The following PTPRG variants were observed in gnomAD, a reference collection of about 807,000 sequenced individuals.
PTPRG encodes protein tyrosine phosphatase receptor type G.
Under a neutral mutation model 165.3 loss-of-function variants are expected in PTPRG, and 102 were observed. The ratio of observed to expected loss-of-function variants is 0.62; its 90% CI spans 0.53 to 0.73. The LOEUF (loss-of-function observed/expected upper bound fraction) is 0.73, where lower values mean the gene tolerates loss of function less well. Ranked by LOEUF, PTPRG falls within the 30% of genes least tolerant of loss-of-function variation. The pLI is 0.00. For synonymous variants in PTPRG, 675 were observed against 669.5 expected, an observed-to-expected ratio of 1.01 and a Z score of -0.13; for missense variants, 1,866 against 1,861.4, an observed-to-expected ratio of 1.00 and a Z score of -0.05.
Position 61,799,743 on chromosome 3 carries a change from C to A in PTPRG, c.190+50761C>A, listed in dbSNP as rs957271603. Among the ~76,000 whole-genome samples the A allele has an allele frequency of 2.0e-5, 3 of 152,230 alleles. No individual in the cohort carries two copies. In the East Asian group the frequency reaches 5.8e-4, roughly 29 times the overall value. On this transcript the variant is annotated intron_variant, in intron 2 of 29. Coordinates refer to ENST00000474889, the MANE Select transcript of PTPRG (RefSeq NM_002841.4). ...GTTAGATTTCTCCACTGTAAGTTTG[C>A]CCCCCACCATACTGTACTCCTTGTA... is the stretch of plus-strand genomic sequence containing the variant.
intron 4 of PTPRG, among the ~76,000 whole-genome samples, chr3:62,032,676 T>A (rs1699808876): frequency 2.0e-5 from 3 of 152,202 alleles, no homozygotes; most frequent in Admixed American, 6.5e-5. Context: ...GAAAGTTAAA[T>A]TTCACCTATA....
intron 2 of PTPRG, among the ~76,000 whole-genome samples, chr3:61,887,172 T>TATATA (rs1559670290): frequency 2.3e-4 from 24 of 105,080 alleles, no homozygotes; most frequent in Non-Finnish European, 4.2e-4. Context: ...ATATATATAT[T>TATATA]TTTAATGCCA....
intron 1 of PTPRG, among the ~76,000 whole-genome samples, chr3:61,693,728 G>A (rs533414594): frequency 6.6e-6 from 1 of 152,136 alleles, no homozygotes. Context: ...GCTTTAGGCC[G>A]GGTGCAGCGG....
intron 3 of PTPRG, among the ~76,000 whole-genome samples, chr3:61,998,679 C>T (rs2041098725): frequency 6.6e-6 from 1 of 152,218 alleles, no homozygotes; most frequent in African/African-American, 2.4e-5. Flanking sequence ...CGGCTATGGA[C>T]TGTTGGCCTC....
chr3:61,801,311 A>ATTT (rs745926597), intron 2 of PTPRG, among the ~76,000 whole-genome samples: 2 of 141,088 alleles, frequency 1.4e-5, no homozygotes, highest in Non-Finnish European at 1.6e-5. Context: ...TGTGTGTGTA[A>ATTT]TTTTTTTTTT....
intron 1 of PTPRG, among the ~76,000 whole-genome samples, chr3:61,619,545 C>T (rs921901533): frequency 9.9e-5 from 15 of 152,182 alleles, no homozygotes; most frequent in Non-Finnish European, 1.9e-4. Flanking sequence ...AAAATGTCAG[C>T]AATGCAGCCT....
Position 61,748,991 on chromosome 3 carries a change from A to G in PTPRG, c.190+9A>G, listed in dbSNP as rs1255277526. 3 of 1,607,592 alleles carry G rather than the reference A, an allele frequency of 1.9e-6. No homozygotes were observed. The highest frequency in any genetic ancestry group is 2.6e-6 in the Non-Finnish European group (3 of 1,174,946). ...GTACTGGGCCTACTCTGGTAAGTCC[A>G]GTTGTTCTAATGGAGATCACACAGG... is the stretch of plus-strand genomic sequence containing the variant. On this transcript the variant is annotated intron_variant, in intron 2 of 29. Transcript: ENST00000474889.
chr3:62,025,812 T>A (rs759115282), intron 4 of PTPRG, among the ~76,000 whole-genome samples: 5 of 152,206 alleles, frequency 3.3e-5, no homozygotes, highest in Non-Finnish European at 7.4e-5. Context: ...CCTAACTAAT[T>A]TTTACTAGAG....
intron 2 of PTPRG, chr3:61,771,207 C>T (rs1040270954): frequency 2.6e-5 from 4 of 152,076 alleles, no homozygotes; most frequent in Non-Finnish European, 4.4e-5. Flanking sequence ...GGATCTTTGA[C>T]ACTTTTTGGT....
chr3:61,885,656 TCTCTCCTCTCCTCTC>T (rs1559669033), intron 2 of PTPRG, among the ~76,000 whole-genome samples: 42 of 45,794 alleles, frequency 9.2e-4, no homozygotes, highest in South Asian at 2.0e-3. Flanking sequence ...CTCTTTTCCT[TCTCTCCTCTCCTCTC>T]CTCTCCTCTC....
At chr3:62,026,218 G>A (rs746041001) in intron 4 of PTPRG, among the ~76,000 whole-genome samples, 3 of 152,202 alleles carry the variant, frequency 2.0e-5, no homozygotes, top group Non-Finnish European at 4.4e-5. Flanking sequence ...TGTATTAAAT[G>A]TTGACCTTTG....
intron 1 of PTPRG, among the ~76,000 whole-genome samples, chr3:61,599,256 TCTC>T (rs1700782896): frequency 1.3e-5 from 2 of 152,264 alleles, no homozygotes; most frequent in African/African-American, 4.8e-5. Context: ...TTCAAGCGAT[TCTC>T]CTGCCTCAGT....
Position 62,122,402 on chromosome 3 carries a change from C to G in PTPRG, c.616-10200C>G, listed in dbSNP as rs929041285. 2.6e-5 allele frequency among the ~76,000 whole-genome samples: 4 copies of G among 152,134 alleles called. No individual in the cohort carries two copies. The East Asian group carries it at 7.7e-4, about 29-fold the overall frequency. On this transcript the variant is annotated intron_variant, in intron 5 of 29. Transcript: ENST00000474889. ...TATTGCTTAGGAGAGTGAATTGATACTTAATCTGCAGAGACTACATTATGA... is the reference window on the plus strand; with the variant it reads ...TATTGCTTAGGAGAGTGAATTGATAGTTAATCTGCAGAGACTACATTATGA...
chr3:62,225,791 A>T (rs1002703749), intron 13 of PTPRG, among the ~76,000 whole-genome samples: 2 of 151,476 alleles, frequency 1.3e-5, no homozygotes, highest in Admixed American at 1.3e-4. Context: ...CATAGCAGGG[A>T]TTACAGGCAC....
intron 4 of PTPRG, among the ~76,000 whole-genome samples, chr3:62,040,362 T>G (rs111588438): frequency 1.3e-5 from 2 of 152,326 alleles, no homozygotes; most frequent in African/African-American, 4.8e-5. Context: ...TGGGTAATGA[T>G]GAAGACATGT....
chr3:62,281,542 T>TTTTTTTTTTTTTTTTTTTTTTTTTG, intron 26 of PTPRG, 21 bp from the exon 27 acceptor site: 1 of 1,340,674 alleles, frequency 7.5e-7, no homozygotes, highest in Non-Finnish European at 9.9e-7. Flanking sequence ...CAGAGGCTTT[T>TTTTTTTTTTTTTTTTTTTTTTTTTG]TTTTTTTTTG....
intron 2 of PTPRG, among the ~76,000 whole-genome samples, chr3:61,822,464 C>T (rs778405654): frequency 3.8e-4 from 58 of 152,286 alleles, no homozygotes; most frequent in South Asian, 4.1e-4. Flanking sequence ...CTAATGGAAG[C>T]TTTCACAGCC....
intron 2 of PTPRG, among the ~76,000 whole-genome samples, chr3:61,757,269 A>T (rs887844582): frequency 2.0e-5 from 3 of 152,188 alleles, no homozygotes; most frequent in Non-Finnish European, 4.4e-5. Context: ...TTATATTTCT[A>T]TAATATTTTA....
chr3:62,148,537 A>G (rs2106668863), intron 6 of PTPRG, among the ~76,000 whole-genome samples: 1 of 152,212 alleles, frequency 6.6e-6, no homozygotes, highest in South Asian at 2.1e-4. Flanking sequence ...AGGCAGACAG[A>G]TTGCCTGAGG....
Sources: allele counts gnomAD v4.1 joint callset (sites outside exome capture counted in the v4.1 genomes callset), GRCh38; gene constraint gnomAD v4.1.1; transcripts MANE v1.5; gene names NCBI Gene and HGNC (gene_info 2026-07-23, HGNC 2026-07-21).